The following SLC36A1 variants were observed in gnomAD, a reference collection of about 807,000 sequenced individuals.
The protein encoded by SLC36A1 is proton-coupled amino acid transporter 1.
Under a neutral mutation model 47.5 loss-of-function variants are expected in SLC36A1, and 30 were observed. That is an observed-to-expected ratio of 0.63 (90% confidence interval 0.47 to 0.86). The LOEUF (loss-of-function observed/expected upper bound fraction) is 0.86. Ranked by LOEUF, SLC36A1 falls within the 40% of genes least tolerant of loss-of-function variation. The pLI is 0.00. For synonymous variants in SLC36A1, 255 were observed against 249.7 expected (o/e 1.02, Z -0.20); for missense variants, 517 against 606.0 (o/e 0.85, Z 1.54).
At chr5:151,429,424 C>T in the SLC36A1 span, among the ~76,000 whole-genome samples, 2 of 145,860 alleles carry the variant, frequency 1.4e-5, no homozygotes, top group East Asian at 2.1e-4. Flanking sequence ...GTTCAATTCC[C>T]ACCTATGAGT....
chr5:151,479,769 C>T (rs1437935279), intron 10 of SLC36A1: 7 of 521,810 alleles, frequency 1.3e-5, no homozygotes, highest in Non-Finnish European at 2.0e-5. Flanking sequence ...TAAAGACATG[C>T]GATTACTATC....
chr5:151,384,830 G>A, the SLC36A1 span, among the ~76,000 whole-genome samples: 1 of 152,088 alleles, frequency 6.6e-6, no homozygotes, highest in Non-Finnish European at 1.5e-5. Flanking sequence ...GCCATTCCAC[G>A]CTCACCATTT....
At chr5:151,370,233 C>T in the SLC36A1 span, among the ~76,000 whole-genome samples, 1 of 152,354 alleles carries the variant, frequency 6.6e-6, no homozygotes, top group South Asian at 2.1e-4. Context: ...GACAGCTTTT[C>T]CCCAAGAGTC....
the SLC36A1 span, among the ~76,000 whole-genome samples, chr5:151,537,277 T>C: frequency 2.3e-5 from 3 of 132,778 alleles, no homozygotes; most frequent in Admixed American, 7.6e-5. Context: ...ATGGTGGTGG[T>C]GGAGGAGGAG....
At chr5:151,381,463 T>C in the SLC36A1 span, 1 of 161,900 alleles carries the variant, frequency 6.2e-6, no homozygotes, top group Non-Finnish European at 1.3e-5. Flanking sequence ...TTGCAGTTTA[T>C]AGTTTAAACA....
At chr5:151,472,456 G>T (rs1295097991) in intron 7 of SLC36A1, among the ~76,000 whole-genome samples, 1 of 152,208 alleles carries the variant, frequency 6.6e-6, no homozygotes, top group Non-Finnish European at 1.5e-5. Context: ...ACAATACTTT[G>T]CCTCCTTCAG....
the SLC36A1 span, among the ~76,000 whole-genome samples, chr5:151,537,036 C>G: frequency 6.6e-6 from 1 of 152,200 alleles, no homozygotes; most frequent in South Asian, 2.1e-4. Context: ...TCTGTGTCCA[C>G]AAGTCTCACA....
In SLC36A1 at chr5:151,479,367, C is replaced by G; in HGVS notation, c.1037C>G (p.Thr346Ser). 1.2e-6 allele frequency: 2 copies of G among 1,614,194 alleles called. No individual in the cohort carries two copies. Among genetic ancestry groups the G allele is most frequent in the Non-Finnish European group, 1.7e-6 (2 of 1,180,028 alleles). The change falls in exon 10 of 11, where the codon ACC becomes AGC. Residue 346 changes from threonine (T) to serine (S), a missense_variant. Coordinates refer to ENST00000243389, the MANE Select transcript of SLC36A1 (RefSeq NM_078483.4). ...CTGTACTCCATCGGGATCTTTTTCA[C>G]CTACGCACTCCAGTTCTACGTCCCG... Reference protein sequence around the residue: ...KLLYSIGIFFTYALQFYVPAE... With the variant: ...KLLYSIGIFFSYALQFYVPAE...
chr5:151,371,197 G>A, the SLC36A1 span, among the ~76,000 whole-genome samples: 3 of 152,010 alleles, frequency 2.0e-5, no homozygotes, highest in Non-Finnish European at 1.5e-5. Flanking sequence ...AAATACAAGG[G>A]GAAGATAAAT....
the SLC36A1 span, among the ~76,000 whole-genome samples, chr5:151,357,759 T>G: frequency 6.6e-6 from 1 of 152,256 alleles, no homozygotes; most frequent in Non-Finnish European, 1.5e-5. Context: ...AACCTCTGAC[T>G]TAAGTCAACA....
At chr5:151,471,890 C>T (rs1757358892) in intron 7 of SLC36A1, among the ~76,000 whole-genome samples, 1 of 152,152 alleles carries the variant, frequency 6.6e-6, no homozygotes, top group Non-Finnish European at 1.5e-5. Flanking sequence ...TTGTAAAAGG[C>T]TGTTTTAACA....
chr5:151,525,798 C>T, the SLC36A1 span: 1 of 1,614,148 alleles, frequency 6.2e-7, no homozygotes, highest in Non-Finnish European at 8.5e-7. Context: ...ATTCCTGAGC[C>T]CTCCTGCTTA....
At chr5:151,363,841 C>A in the SLC36A1 span, among the ~76,000 whole-genome samples, 74 of 152,276 alleles carry the variant, frequency 4.9e-4, no homozygotes, top group African/African-American at 1.7e-3. Flanking sequence ...CACAAGAGAT[C>A]ACTTTTACTG....
the SLC36A1 span, among the ~76,000 whole-genome samples, chr5:151,360,872 C>T: frequency 6.6e-6 from 1 of 152,200 alleles, no homozygotes; most frequent in Non-Finnish European, 1.5e-5. Context: ...TTGTTAATTC[C>T]TCTGGCATGG....
the SLC36A1 span, among the ~76,000 whole-genome samples, chr5:151,524,893 A>C: frequency 6.6e-6 from 1 of 152,118 alleles, no homozygotes; most frequent in Admixed American, 6.5e-5. Flanking sequence ...CCTCCCTCTG[A>C]ATGTGTGTCC....
intron 7 of SLC36A1, among the ~76,000 whole-genome samples, chr5:151,469,677 C>T (rs182489032): frequency 1.5e-3 from 235 of 152,128 alleles, no homozygotes; most frequent in African/African-American, 5.5e-3. Context: ...AAAGCTATTT[C>T]CTAATTTCAT....
chr5:151,440,985 G>A (rs865788005), intron 1 of SLC36A1, among the ~76,000 whole-genome samples: 25 of 152,312 alleles, frequency 1.6e-4, no homozygotes, highest in South Asian at 4.1e-4. Flanking sequence ...GACTCTCCTA[G>A]AGGGCTTTTC....
chr5:151,391,613 G>T, the SLC36A1 span, among the ~76,000 whole-genome samples: 2 of 152,092 alleles, frequency 1.3e-5, no homozygotes, highest in Non-Finnish European at 2.9e-5. Flanking sequence ...TAGCATGAAG[G>T]GCTGTTGAAT....
At chr5:151,389,364 C>G in the SLC36A1 span, among the ~76,000 whole-genome samples, 1 of 152,002 alleles carries the variant, frequency 6.6e-6, no homozygotes, top group Non-Finnish European at 1.5e-5. Context: ...TAATGCCTCC[C>G]GTCCCCTGGT....
Sources: gnomAD v4.1 joint callset for allele counts (sites outside exome capture counted in the v4.1 genomes callset) on GRCh38, gnomAD v4.1.1 for gene constraint, MANE v1.5 for transcripts, NCBI Gene and HGNC (gene_info 2026-07-23, HGNC 2026-07-21) for gene names.